Variants in ANKRD36C observed in about 807,000 individuals in gnomAD.
ANKRD36C encodes the protein ankyrin repeat domain-containing protein 36C.
In ANKRD36C, 61 loss-of-function variants were observed where a neutral mutation model predicts 276.4. The ratio of observed to expected loss-of-function variants is 0.22; its 90% confidence interval spans 0.18 to 0.27. The LOEUF is 0.27. Ranked by LOEUF, ANKRD36C falls within the 10% of genes least tolerant of loss-of-function variation. ANKRD36C has a pLI of 1.00. For synonymous variants in ANKRD36C, 483 were observed against 680.1 expected (o/e 0.71, Z 4.51); for missense variants, 1,447 against 2,032.3 (o/e 0.71, Z 5.54).
chr2:95,867,701 T>C, intron 59 of ANKRD36C, 120 bp from the exon 80 acceptor site: 2 of 1,468,562 alleles, frequency 1.4e-6, no homozygotes, highest in African/African-American at 2.8e-5. Context: ...ACCTGTTCTG[T>C]ACTTTTTTTT....
intron 3 of ANKRD36C, among the ~76,000 whole-genome samples, chr2:95,985,964 T>G (rs1195058326): frequency 6.6e-6 from 1 of 151,994 alleles, no homozygotes; most frequent in Non-Finnish European, 1.5e-5. Context: ...ATAATGTCCA[T>G]TAATTATGTG....
At chr2:95,857,184 C>G (rs1160449891) in intron 62 of ANKRD36C, 125 bp downstream of exon 82, 1 of 1,183,800 alleles carries the variant, frequency 8.4e-7, no homozygotes. Context: ...TGCCATGATT[C>G]ATTTTTAAGA....
intron 44 of ANKRD36C, among the ~76,000 whole-genome samples, chr2:95,897,842 G>T (rs1380359955): frequency 7.3e-6 from 1 of 137,774 alleles, no homozygotes; most frequent in Non-Finnish European, 1.6e-5. Context: ...TACCTTTCAT[G>T]CAACAAATTA....
chr2:95,881,298 A>G (rs1676072212), intron 56 of ANKRD36C, among the ~76,000 whole-genome samples: 1 of 152,202 alleles, frequency 6.6e-6, no homozygotes, highest in African/African-American at 2.4e-5. Context: ...GGTATAATAT[A>G]TAAACCCCAT....
At chr2:95,871,131 G>A (rs1359311206) in intron 59 of ANKRD36C, among the ~76,000 whole-genome samples, 1 of 152,130 alleles carries the variant, frequency 6.6e-6, no homozygotes, top group Non-Finnish European at 1.5e-5. Flanking sequence ...ATCTAGCAAG[G>A]CAGGCCAACA....
chr2:95,857,061 C>G (rs1314834752), intron 62 of ANKRD36C, among the ~76,000 whole-genome samples: 1 of 151,966 alleles, frequency 6.6e-6, no homozygotes, highest in Non-Finnish European at 1.5e-5. Flanking sequence ...TCACTAGGAA[C>G]AAAATACTAA....
chr2:95,910,020 G>A (rs141466583), intron 42 of ANKRD36C, among the ~76,000 whole-genome samples: 3,710 of 150,946 alleles, frequency 0.025, 169 homozygotes, highest in African/African-American at 0.086. Context: ...TTAGCAGTAC[G>A]ATGTGACGTC....
intron 14 of ANKRD36C, 65 bp from the exon 15 acceptor site, chr2:95,951,473 C>A: frequency 4.1e-6 from 5 of 1,207,980 alleles, no homozygotes; most frequent in Non-Finnish European, 5.8e-6. Context: ...ATAATACCCA[C>A]CATTACTACG....
At chr2:95,856,873 G>T (rs1434845632) in intron 62 of ANKRD36C, among the ~76,000 whole-genome samples, 2 of 152,074 alleles carry the variant, frequency 1.3e-5, no homozygotes, top group African/African-American at 4.8e-5. Context: ...CTGTGAGGTA[G>T]ATATATACAT....
At chr2:95,986,142 T>C (rs1415862966) in intron 3 of ANKRD36C, among the ~76,000 whole-genome samples, 2 of 152,054 alleles carry the variant, frequency 1.3e-5, no homozygotes, top group Non-Finnish European at 2.9e-5. Context: ...TGTCTAAACA[T>C]ATAAATTGAA....
rs530933237 is a variant in ANKRD36C, at chr2:95,851,794, T to C, written c.5220-7A>G. On this transcript the variant is annotated splice_region_variant and splice_polypyrimidine_tract_variant and intron_variant, in intron 65 of 66. Coordinates refer to ENST00000456556, the Ensembl canonical transcript of ANKRD36C. The stretch of plus-strand genomic sequence containing the variant: ...GACATTTTCTACTTCAAGCCTAAAA[T>C]GTGCATTTTAAAATAATTACTCTCA... The C allele has an allele frequency of 1.8e-5, 27 of 1,527,184 alleles. No homozygotes were observed. In the African/African-American group the frequency reaches 3.3e-4, roughly 19 times the overall value. 94.6% of individuals were successfully genotyped at this position (1,527,184 alleles called of 1,614,324 possible).
chr2:95,940,123 A>G (rs1460900572), intron 20 of ANKRD36C, among the ~76,000 whole-genome samples: 1 of 152,232 alleles, frequency 6.6e-6, no homozygotes, highest in Admixed American at 6.5e-5. Context: ...GGTTCAAGTG[A>G]TTCTCCTGCC....
At chr2:95,868,898 GTT>G (rs796243015) in intron 59 of ANKRD36C, among the ~76,000 whole-genome samples, 3 of 152,382 alleles carry the variant, frequency 2.0e-5, no homozygotes, top group African/African-American at 7.2e-5. Context: ...AATTTTAAAG[GTT>G]TTTTTTACCC....
intron 42 of ANKRD36C, among the ~76,000 whole-genome samples, chr2:95,911,697 G>C (rs933881976): frequency 4.6e-5 from 7 of 151,446 alleles, no homozygotes; most frequent in African/African-American, 1.7e-4. Context: ...TGTTCCAAAT[G>C]CATCTGAAGT....
chr2:95,930,003 T>C (rs1290275365), intron 24 of ANKRD36C, among the ~76,000 whole-genome samples: 1 of 151,574 alleles, frequency 6.6e-6, no homozygotes, highest in Non-Finnish European at 1.5e-5. Context: ...AAAATAAAGT[T>C]TCTACAAGCA....
At chr2:95,908,057 G>C (rs959979054) in intron 42 of ANKRD36C, among the ~76,000 whole-genome samples, 1 of 150,826 alleles carries the variant, frequency 6.6e-6, no homozygotes, top group Non-Finnish European at 1.5e-5. Context: ...GTCTTCCTTA[G>C]GAAAATAGTT....
intron 1 of ANKRD36C, among the ~76,000 whole-genome samples, chr2:95,990,187 C>A (rs1196010028): frequency 6.6e-6 from 1 of 152,148 alleles, no homozygotes; most frequent in Non-Finnish European, 1.5e-5. Flanking sequence ...CATTCCATAA[C>A]GAACTTATTT....
intron 10 of ANKRD36C, among the ~76,000 whole-genome samples, chr2:95,959,007 T>C (rs1678394608): frequency 6.6e-6 from 1 of 152,288 alleles, no homozygotes; most frequent in Non-Finnish European, 1.5e-5. Flanking sequence ...ATATGTGATA[T>C]TATTCTTCAT....
chr2:95,919,791 C>A, intron 34 of ANKRD36C: 2 of 1,401,400 alleles, frequency 1.4e-6, no homozygotes, highest in African/African-American at 1.5e-5. Flanking sequence ...CAGAATCTTC[C>A]TCGTCAGTTG....
Sources: allele counts gnomAD v4.1 joint callset (sites outside exome capture counted in the v4.1 genomes callset), GRCh38; gene constraint gnomAD v4.1.1; transcripts MANE v1.5; gene names NCBI Gene and HGNC (gene_info 2026-07-23, HGNC 2026-07-21).